The following IPO9 variants were observed in gnomAD, a reference collection of about 807,000 sequenced individuals.
IPO9 encodes the protein importin-9.
A neutral mutation model predicts 128.6 loss-of-function variants in IPO9; 28 were observed. That is an observed-to-expected ratio of 0.22 (90% CI 0.16 to 0.30). IPO9 has a LOEUF of 0.30. Among genes scored for constraint, IPO9 ranks in the 10% least tolerant of loss-of-function variants. IPO9 has a pLI of 1.00. For missense variants in IPO9, 935 were observed against 1,293.9 expected (o/e 0.72, Z 4.26); for synonymous variants, 455 against 475.8 (o/e 0.96, Z 0.57).
intron 1 of IPO9, among the ~76,000 whole-genome samples, chr1:201,830,569 C>T (rs1679815212): frequency 6.6e-6 from 1 of 152,184 alleles, no homozygotes; most frequent in South Asian, 2.1e-4. Flanking sequence ...CAGATCTATA[C>T]AGGAGAAACC....
In IPO9 at chr1:201,847,542, C is replaced by G. The variant is rs563204594; in HGVS notation, c.226-10C>G. 3 of 1,612,458 alleles carry G rather than the reference C, an allele frequency of 1.9e-6. No individual in the cohort carries two copies. In the African/African-American group the frequency reaches 4.0e-5, roughly 22 times the overall value. On this transcript the variant is annotated splice_polypyrimidine_tract_variant and intron_variant, in intron 2 of 23. Coordinates refer to ENST00000361565, the MANE Select transcript of IPO9 (RefSeq NM_018085.5). Reference sequence around the variant, plus strand: ...TTCTTGCTGTACTACTTGGCTTATTCTCTTCACAGCTGGCATCAGTCATCT... The same window carrying G: ...TTCTTGCTGTACTACTTGGCTTATTGTCTTCACAGCTGGCATCAGTCATCT...
intron 16 of IPO9, among the ~76,000 whole-genome samples, 184 bp downstream of exon 16, chr1:201,868,980 C>T (rs1469287677): frequency 6.6e-6 from 1 of 152,132 alleles, no homozygotes; most frequent in African/African-American, 2.4e-5. Flanking sequence ...TGGCTTGGCG[C>T]GGTGGCTCAT....
intron 1 of IPO9, chr1:201,834,806 A>C (rs549126548): frequency 6.6e-6 from 1 of 152,072 alleles, no homozygotes; most frequent in South Asian, 2.1e-4. Flanking sequence ...GGGAGGGGGG[A>C]AATTATCTCT....
intron 1 of IPO9, among the ~76,000 whole-genome samples, chr1:201,835,885 G>A (rs1679910755): frequency 6.6e-6 from 1 of 152,118 alleles, no homozygotes; most frequent in South Asian, 2.1e-4. Flanking sequence ...GCCGAGGAGG[G>A]CGGATCACAA....
Position 201,853,071 on chromosome 1 carries a change from A to G in IPO9, c.664A>G (p.Ile222Val). ...GATTTTTACCACTTGTGCCCATATGATCTGTAACATGGAGGAGCTGGAAAA... is the reference window on the plus strand; with the variant it reads ...GATTTTTACCACTTGTGCCCATATGGTCTGTAACATGGAGGAGCTGGAAAA... Reference protein sequence around the residue: ...VEIFTTCAHMICNMEELEKGA... With the variant: ...VEIFTTCAHMVCNMEELEKGA... Residue 222 changes from isoleucine (I) to valine (V), a missense_variant, in exon 6 of 24, where the codon ATC becomes GTC. Coordinates refer to ENST00000361565, the MANE Select transcript of IPO9 (RefSeq NM_018085.5). The G allele has an allele frequency of 6.2e-7, 1 of 1,614,046 alleles. No individual in the cohort carries two copies. Among genetic ancestry groups the G allele is most frequent in the Non-Finnish European group, 8.5e-7 (1 of 1,179,988 alleles).
At chr1:201,859,923 T>C (rs889047900) in intron 13 of IPO9, among the ~76,000 whole-genome samples, 3 of 151,620 alleles carry the variant, frequency 2.0e-5, no homozygotes, top group Non-Finnish European at 4.4e-5. Flanking sequence ...CACACCACTG[T>C]ATTCCACCTT....
At position 201,874,834 on chromosome 1, in the gene IPO9, G is replaced by A. The variant is rs1165589014; in HGVS notation, c.2836G>A (p.Asp946Asn). 1.9e-6 allele frequency: 3 copies of A among 1,605,778 alleles called. No individual in the cohort carries two copies. Among genetic ancestry groups the A allele is most frequent in the Admixed American group, 3.3e-5 (2 of 60,000 alleles). The change falls in exon 22 of 24, where the codon GAC becomes AAC. Residue 946 changes from aspartate (D) to asparagine (N), a missense_variant and splice_region_variant. Physicochemically the swap from Asp to Asn is conservative, Grantham distance 23. This residue lies in a region of IPO9 where 188 missense variants were observed against 246.7 expected (regional missense o/e 0.76). Coordinates refer to ENST00000361565, the MANE Select transcript of IPO9 (RefSeq NM_018085.5). ...QATPAEWSQD[D>N]SNDMWEDQEE... ...AGCTGCTTTTCATCTCCAAGTAGATGACTCCAATGATATGTGGGAGGACCA... is the reference window on the plus strand; with the variant it reads ...AGCTGCTTTTCATCTCCAAGTAGATAACTCCAATGATATGTGGGAGGACCA...
At position 201,858,566 on chromosome 1, in the gene IPO9, C is replaced by T. The variant is rs748918848; in HGVS notation, c.1328+13C>T. On this transcript the variant is annotated intron_variant, in intron 12 of 23. Transcript: ENST00000361565. ...GCACTGAGCACTGGTAAGAGTGAGC[C>T]GCTAATTGGTTAAGATGCTTTTGTT... 130 of 1,435,816 alleles carry T rather than the reference C, an allele frequency of 9.1e-5. No individual in the cohort carries two copies. Among genetic ancestry groups the T allele is most frequent in the Non-Finnish European group, 1.2e-4 (124 of 1,055,840 alleles). 88.9% of individuals were successfully genotyped at this position (1,435,816 alleles called of 1,614,324 possible). A position where few individuals can be genotyped will look rare whatever the true frequency, so the allele number is the denominator to read the frequency against.
In IPO9 at chr1:201,858,894, A is replaced by G; in HGVS notation, c.1368A>G (p.Ser456=). 6.2e-7 allele frequency: 1 copy of G among 1,611,670 alleles called. No homozygotes were observed. Among genetic ancestry groups the G allele is most frequent in the Non-Finnish European group, 8.5e-7 (1 of 1,178,098 alleles). The part of the protein sequence containing the change: ...IHEACMLALG[S]VKAIITDSVK... The stretch of plus-strand genomic sequence containing the variant: ...AGGCATGCATGCTTGCCCTAGGCTC[A>G]GTGAAGGCCATCATCACTGACAGTG... The change falls in exon 13 of 24, where the codon TCA becomes TCG. Residue 456 remains serine (S), a synonymous_variant. Transcript: ENST00000361565.
intron 14 of IPO9, among the ~76,000 whole-genome samples, chr1:201,865,259 A>G (rs1261505752): frequency 1.4e-5 from 2 of 138,826 alleles, no homozygotes; most frequent in Non-Finnish European, 3.0e-5. Flanking sequence ...CCCAGGCTGG[A>G]GTGCAGTGGC....
At chr1:201,858,764 T>G in intron 12 of IPO9, 91 bp from the exon 13 acceptor site, 1 of 1,344,884 alleles carries the variant, frequency 7.4e-7, no homozygotes. Flanking sequence ...GAGATTGTGC[T>G]GGAGTGCCCT....
chr1:201,863,569 C>A lies in IPO9; in HGVS notation c.1590C>A (p.Pro530=). 6.3e-7 allele frequency: 1 copy of A among 1,598,398 alleles called. No homozygotes were observed. The highest frequency in any genetic ancestry group is 8.6e-7 in the Non-Finnish European group (1 of 1,167,358). Residue 530 remains proline (P), a synonymous_variant, in exon 14 of 24, where the codon CCC becomes CCA. Coordinates refer to ENST00000361565, the MANE Select transcript of IPO9 (RefSeq NM_018085.5). ...TTAGTGGTCTTCACGAGACACAGCC[C>A]CCATCAGTTCGAATTTCTGCAGTGA... The part of the protein sequence containing the change: ...ATVSGLHETQ[P]PSVRISAVRA...
intron 1 of IPO9, among the ~76,000 whole-genome samples, chr1:201,830,961 A>G (rs946620267): frequency 1.4e-4 from 21 of 152,204 alleles, no homozygotes; most frequent in Non-Finnish European, 2.9e-5. Context: ...AGTCAATTAT[A>G]AAGTTCTCGA....
intron 11 of IPO9, among the ~76,000 whole-genome samples, chr1:201,857,719 C>T (rs986510830): frequency 7.3e-5 from 11 of 150,574 alleles, no homozygotes; most frequent in African/African-American, 2.4e-4. Flanking sequence ...TGCTTGAACC[C>T]GGGAGGCGGA....
At chr1:201,857,923 CAT>C (rs1680364061) in intron 11 of IPO9, among the ~76,000 whole-genome samples, 2 of 152,180 alleles carry the variant, frequency 1.3e-5, no homozygotes, top group Non-Finnish European at 2.9e-5. Context: ...AATACCTGCT[CAT>C]GTTTTCTTTG....
At chr1:201,829,996 G>C (rs975583400) in intron 1 of IPO9, among the ~76,000 whole-genome samples, 1 of 152,084 alleles carries the variant, frequency 6.6e-6, no homozygotes, top group African/African-American at 2.4e-5. Flanking sequence ...AAATACCTTT[G>C]TGCATTTCTG....
chr1:201,845,973 T>G (rs1680118472), intron 1 of IPO9, among the ~76,000 whole-genome samples: 1 of 152,238 alleles, frequency 6.6e-6, no homozygotes, highest in Non-Finnish European at 1.5e-5. Context: ...CCAGGCACAG[T>G]GGCGTGCATC....
In IPO9 at chr1:201,883,324, C is replaced by T. The variant is rs1219252679; in HGVS notation, c.*7270C>T. The T allele has an allele frequency of 6.6e-6, 1 of 152,192 alleles. No individual in the cohort carries two copies. The highest frequency in any genetic ancestry group is 2.4e-5 in the African/African-American group (1 of 41,402). 9.4% of individuals were successfully genotyped at this position (152,192 alleles called of 1,614,324 possible). Reference sequence around the variant, plus strand: ...AGCTCTAGTGAACTGCAATTAGGCCCAGGGTCCCGGAGGAAGAAGGGGAGA... The same window carrying T: ...AGCTCTAGTGAACTGCAATTAGGCCTAGGGTCCCGGAGGAAGAAGGGGAGA... On this transcript the variant is annotated 3_prime_UTR_variant, in exon 24 of 24. Transcript: ENST00000361565.
intron 3 of IPO9, among the ~76,000 whole-genome samples, chr1:201,847,997 A>G (rs1680151023): frequency 6.6e-6 from 1 of 151,942 alleles, no homozygotes; most frequent in Admixed American, 6.5e-5. Context: ...TGAGTCCCCA[A>G]GAAATTTTGA....
Sources: gnomAD v4.1 joint callset for allele counts (sites outside exome capture counted in the v4.1 genomes callset) on GRCh38, gnomAD v4.1.1 for gene constraint, gnomAD v4.1.1 regional missense constraint, MANE v1.5 for transcripts, NCBI Gene and HGNC (gene_info 2026-07-23, HGNC 2026-07-21) for gene names.